Variants in FN1 observed in about 807,000 individuals in gnomAD.
The protein encoded by FN1 is fibronectin 1.
Under a neutral mutation model 297.3 loss-of-function variants are expected in FN1, and 106 were observed. That is an observed-to-expected ratio of 0.36 (90% CI 0.30 to 0.42). The LOEUF (loss-of-function observed/expected upper bound fraction) is 0.42, where lower values mean the gene tolerates loss of function less well. Among genes scored for constraint, FN1 ranks in the 10% least tolerant of loss-of-function variants. The pLI, the probability that FN1 is intolerant of heterozygous loss-of-function variation, is 1.00. For missense variants in FN1, 2,690 were observed against 3,124.9 expected (o/e 0.86, Z 3.32); for synonymous variants, 1,149 against 1,152.6 (o/e 1.00, Z 0.06).
chr2:215,386,609 G>C (rs2059044999), intron 28 of FN1, 80 bp downstream of exon 28: 9 of 581,260 alleles, frequency 1.5e-5, no homozygotes, highest in Non-Finnish European at 2.5e-5. Context: ...GCTGATGACA[G>C]ACAACAGCAA....
chr2:215,409,843 G>A (rs1419924165), intron 14 of FN1, 91 bp downstream of exon 14: 21 of 1,593,624 alleles, frequency 1.3e-5, no homozygotes, highest in Non-Finnish European at 8.6e-6. Context: ...CCTCCTGGAA[G>A]AATATGAATT....
At chr2:215,379,666 T>C in intron 33 of FN1, 1 of 252,956 alleles carries the variant, frequency 4.0e-6, no homozygotes, top group Non-Finnish European at 7.7e-6. Context: ...TATGGAAAAA[T>C]AAGCAATGGC....
rs761022057 is a variant in FN1, at chr2:215,430,868, G to A, written c.548-16C>T. On this transcript the variant is annotated splice_polypyrimidine_tract_variant and intron_variant, in intron 4 of 45. Transcript: ENST00000354785. ...CACTTCTCAGCTGTAGGGAAATTTG[G>A]AAGAAAAACAGGAAAAAAAGGTTAT... is the stretch of plus-strand genomic sequence containing the variant. 1 of 1,613,674 alleles carries A rather than the reference G, an allele frequency of 6.2e-7. No individual in the cohort carries two copies. Among genetic ancestry groups the A allele is most frequent in the Non-Finnish European group, 8.5e-7 (1 of 1,179,700 alleles).
At chr2:215,425,001 G>T in intron 7 of FN1, 93 bp downstream of exon 7, 2 of 1,175,094 alleles carry the variant, frequency 1.7e-6, no homozygotes, top group Non-Finnish European at 2.5e-6. Context: ...CAGGCTTCTT[G>T]TTTGTTTTAT....
In FN1 at chr2:215,361,986, G is replaced by T; in HGVS notation, c.7345C>A (p.His2449Asn). The T allele has an allele frequency of 6.2e-7, 1 of 1,612,590 alleles. No individual in the cohort carries two copies. The highest frequency in any genetic ancestry group is 8.5e-7 in the Non-Finnish European group (1 of 1,178,762). ...GCACTTACAGTGTTTGTTCTCTGAT[G>T]GTATCTCTGAGAATACTGGTTGTAG... ...QSYNQYSQRYHQRTNTNVNCP... is the reference protein window; with the variant it reads ...QSYNQYSQRYNQRTNTNVNCP... The change falls in exon 45 of 46, where the codon CAT becomes AAT. Residue 2449 changes from histidine to asparagine, a missense_variant. His to Asn is a moderately conservative substitution (Grantham distance 68). Around this residue, in one of 3 missense-constraint regions of FN1, gnomAD observed 1,743 missense variants for 1,945.2 expected, o/e 0.90. Transcript: ENST00000354785.
rs2059895812 is a variant in FN1, at chr2:215,393,098, G to A, written c.3902C>T (p.Thr1301Ile). 1 of 1,614,052 alleles carries A rather than the reference G, an allele frequency of 6.2e-7. No homozygotes were observed. The highest frequency in any genetic ancestry group is 1.7e-5 in the Admixed American group (1 of 60,002). Residue 1301 changes from threonine (T) to isoleucine (I), a missense_variant, in exon 25 of 46, where the codon ACA (threonine) becomes ATA (isoleucine). Physicochemically the swap from Thr to Ile is moderately conservative, Grantham distance 89 (BLOSUM62 -1). Around this residue, in one of 3 missense-constraint regions of FN1, gnomAD observed 1,743 missense variants for 1,945.2 expected, o/e 0.90. Transcript: ENST00000354785. ...NSSTIIGYRI[T>I]VVAAGEGIPI... Reference sequence around the variant, plus strand: ...GATACCTTCTCCTGCCGCAACTACTGTGATGCGGTACCCAATAATGGTGGA... The same window carrying A: ...GATACCTTCTCCTGCCGCAACTACTATGATGCGGTACCCAATAATGGTGGA...
Position 215,367,873 on chromosome 2 carries a change from A to G in FN1, c.7008T>C (p.Cys2336=), listed in dbSNP as rs1483327464. 2 of 1,614,062 alleles carry G rather than the reference A, an allele frequency of 1.2e-6. No individual in the cohort carries two copies. The highest frequency in any genetic ancestry group is 1.1e-5 in the South Asian group (1 of 91,078). Residue 2336 remains cysteine (C), a synonymous_variant, in exon 42 of 46, where the codon TGT becomes TGC. Coordinates refer to ENST00000354785, the MANE Select transcript of FN1 (RefSeq NM_212482.4). ...CLGFGSGHFR[C]DSSRWCHDNG... is the part of the protein sequence containing the mutation. ...AAAGCAACTACTCACTAGATGAATCACATCTGAAATGACCACTTCCAAAGC... is the reference window on the plus strand; with the variant it reads ...AAAGCAACTACTCACTAGATGAATCGCATCTGAAATGACCACTTCCAAAGC...
chr2:215,375,600 G>T (rs750854651), intron 37 of FN1, 29 bp downstream of exon 37: 1 of 1,486,712 alleles, frequency 6.7e-7, no homozygotes, highest in South Asian at 1.1e-5. Context: ...ACAAGTCAAT[G>T]GCATTTCCTC....
Position 215,393,002 on chromosome 2 carries a change from T to C in FN1, c.3998A>G (p.Asp1333Gly). Residue 1333 changes from aspartate (D) to glycine (G), a missense_variant, in exon 25 of 46, where the codon GAC becomes GGC. Physicochemically the swap from Asp to Gly is moderately conservative, Grantham distance 94. Coordinates refer to ENST00000354785, the MANE Select transcript of FN1 (RefSeq NM_212482.4). ...YTVTGLEPGI[D>G]YDISVITLIN... ...GAGAGTGATAACGCTGATATCATAG[T>C]CAATGCCCGGCTCCAGCCCTGTGAC... 1 of 1,613,960 alleles carries C rather than the reference T, an allele frequency of 6.2e-7. No homozygotes were observed. Among genetic ancestry groups the C allele is most frequent in the Non-Finnish European group, 8.5e-7 (1 of 1,180,020 alleles).
chr2:215,389,422 ACAGT>A (rs140521191), intron 26 of FN1, among the ~76,000 whole-genome samples: 5,330 of 152,042 alleles, frequency 0.035, 321 homozygotes, highest in African/African-American at 0.12. Context: ...ATTTTGATAC[ACAGT>A]CAGGCATAGC....
Position 215,435,670 on chromosome 2 carries a change from C to T in FN1, c.133G>A (p.Val45Ile). 6.2e-7 allele frequency: 1 copy of T among 1,613,614 alleles called. No individual in the cohort carries two copies. Among genetic ancestry groups the T allele is most frequent in the Non-Finnish European group, 8.5e-7 (1 of 1,179,978 alleles). The change falls in exon 1 of 46, where the codon GTC (valine) becomes ATC (isoleucine). Residue 45 changes from valine (V) to isoleucine (I), a missense_variant. Coordinates refer to ENST00000354785, the MANE Select transcript of FN1 (RefSeq NM_212482.4). ...QMVQPQSPVA[V>I]SQSKPGCYDN... The stretch of plus-strand genomic sequence containing the variant: ...CAGTACTCACGCTTGCTTTGACTGA[C>T]AGCCACCGGGGACTGGGGCTGAACC...
In FN1 at chr2:215,372,332, A is replaced by G. The variant is rs1380476251; in HGVS notation, c.6291T>C (p.His2097=). 1.9e-6 allele frequency: 3 copies of G among 1,614,094 alleles called. No individual in the cohort carries two copies. Among genetic ancestry groups the G allele is most frequent in the Non-Finnish European group, 2.5e-6 (3 of 1,180,048 alleles). Residue 2097 remains histidine (H), a synonymous_variant, in exon 40 of 46, where the codon CAT becomes CAC. Coordinates refer to ENST00000354785, the MANE Select transcript of FN1 (RefSeq NM_212482.4). ...AAGGAACATCCAAGATCTCTGGTCC[A>G]TGAAGATTGGGGTGTGGAAGGGTTA... ...QLVTLPHPNL[H]GPEILDVPST...
chr2:215,392,045 T>TA (rs1400263256), intron 25 of FN1: 3 of 523,442 alleles, frequency 5.7e-6, no homozygotes, highest in Non-Finnish European at 3.4e-6. Flanking sequence ...TTGATATATT[T>TA]AAAAAAAATT....
At chr2:215,384,212 G>A (rs2058603942) in intron 29 of FN1, 28 bp from the exon 30 acceptor site, 4 of 1,612,690 alleles carry the variant, frequency 2.5e-6, no homozygotes, top group African/African-American at 2.7e-5. Context: ...AGTTCAGAGT[G>A]TGAGGGGTTT....
chr2:215,414,637 CCCAAAA>C (rs1020440418), intron 13 of FN1, 194 bp downstream of exon 13: 1 of 1,338,498 alleles, frequency 7.5e-7, no homozygotes, highest in Non-Finnish European at 9.6e-7. Flanking sequence ...AAAAACAAAA[CCCAAAA>C]CCAAAACCAA....
chr2:215,428,562 T>C (rs1178011868), intron 5 of FN1, among the ~76,000 whole-genome samples: 3 of 152,246 alleles, frequency 2.0e-5, no homozygotes, highest in Non-Finnish European at 4.4e-5. Flanking sequence ...CTCTGTCAAA[T>C]AACATTTTCA....
rs890090441 is a variant in FN1, at chr2:215,397,738, G to C, written c.3459C>G (p.Ile1153Met). 6.2e-7 allele frequency: 1 copy of C among 1,613,994 alleles called. No individual in the cohort carries two copies. The highest frequency in any genetic ancestry group is 1.7e-5 in the Admixed American group (1 of 60,012). The change falls in exon 22 of 46, where the codon ATC becomes ATG. Residue 1153 changes from isoleucine to methionine, a missense_variant. By Grantham distance (10) the Ile-to-Met change is conservative (BLOSUM62 1). Transcript: ENST00000354785. ...LTPGVEYVYT[I>M]QVLRDGQERD... Reference sequence around the variant, plus strand: ...TTTCCTGTCCATCTCTCAGGACTTGGATGGTGTAGACGTATTCTACTCCTG... The same window carrying C: ...TTTCCTGTCCATCTCTCAGGACTTGCATGGTGTAGACGTATTCTACTCCTG...
At chr2:215,381,575 G>A (rs1325553500) in intron 32 of FN1, 2 of 222,512 alleles carry the variant, frequency 9.0e-6, no homozygotes, top group Non-Finnish European at 9.0e-6. Flanking sequence ...CTGGGTCCAA[G>A]TGATTCTTCT....
chr2:215,420,382 A>G (rs1053715217), intron 11 of FN1, among the ~76,000 whole-genome samples: 2 of 152,246 alleles, frequency 1.3e-5, no homozygotes. Flanking sequence ...AAAAAAAGGA[A>G]AGAATACTTT....
Sources: allele counts gnomAD v4.1 joint callset (sites outside exome capture counted in the v4.1 genomes callset), GRCh38; gene constraint gnomAD v4.1.1; regional missense constraint gnomAD v4.1.1; transcripts MANE v1.5; gene names NCBI Gene and HGNC (gene_info 2026-07-23, HGNC 2026-07-21).